Variants in EYA2 observed in about 807,000 individuals in gnomAD.
EYA2 encodes protein phosphatase EYA2.
EYA2 carries 31 observed loss-of-function variants against 69.2 expected under a neutral mutation model. The observed-to-expected ratio is 0.45, with a 90% CI of 0.34 to 0.60. The LOEUF is 0.60. Among genes scored for constraint, EYA2 ranks in the 20% least tolerant of loss-of-function variants. The pLI is 0.02. For synonymous variants in EYA2, 257 were observed against 279.4 expected (o/e 0.92, Z 0.80); for missense variants, 622 against 701.2 (o/e 0.89, Z 1.28).
chr20:47,097,837 C>T (rs1340031794), intron 9 of EYA2, among the ~76,000 whole-genome samples: 1 of 152,158 alleles, frequency 6.6e-6, no homozygotes, highest in African/African-American at 2.4e-5. Context: ...CGAGTGGATG[C>T]CCTAGACATC....
At chr20:47,099,611 A>C (rs6066195) in intron 9 of EYA2, among the ~76,000 whole-genome samples, 50,280 of 152,128 alleles carry the variant, frequency 0.33, 9,645 homozygotes, top group East Asian at 0.43. Flanking sequence ...AGGAATGGTG[A>C]CAGTTGAGGG....
At chr20:47,100,697 C>T (rs1046136476) in intron 9 of EYA2, among the ~76,000 whole-genome samples, 15 of 152,232 alleles carry the variant, frequency 9.9e-5, no homozygotes, top group African/African-American at 3.6e-4. Context: ...ACCCAGATCG[C>T]CTGTGCCATC....
intron 11 of EYA2, 120 bp downstream of exon 11, chr20:47,169,317 C>G: frequency 3.2e-6 from 3 of 930,306 alleles, no homozygotes; most frequent in Non-Finnish European, 5.2e-6. Context: ...GTGCCTGCCT[C>G]CAGCCAGAAC....
At chr20:47,156,552 A>G (rs1052358165) in intron 10 of EYA2, among the ~76,000 whole-genome samples, 14 of 151,720 alleles carry the variant, frequency 9.2e-5, no homozygotes, top group Admixed American at 8.5e-4. Context: ...TGCCTGACAC[A>G]TGAGCCTGGT....
At chr20:47,128,832 TAAAA>T (rs1189127001) in intron 9 of EYA2, among the ~76,000 whole-genome samples, 1 of 151,978 alleles carries the variant, frequency 6.6e-6, no homozygotes, top group Non-Finnish European at 1.5e-5. Context: ...TCATTTAAAA[TAAAA>T]AAATGGCCAG....
At chr20:47,171,990 G>T (rs375400521) in intron 11 of EYA2, among the ~76,000 whole-genome samples, 1 of 151,852 alleles carries the variant, frequency 6.6e-6, no homozygotes, top group African/African-American at 2.4e-5. Context: ...CTACTTGGGA[G>T]GGGGAGGCTG....
chr20:47,128,888 C>T (rs531238460), intron 9 of EYA2, among the ~76,000 whole-genome samples: 1 of 152,170 alleles, frequency 6.6e-6, no homozygotes, highest in South Asian at 2.1e-4. Flanking sequence ...TTTGGGAGGC[C>T]GAGGTGGGTG....
chr20:47,188,393 C>G lies in EYA2; in HGVS notation c.*260C>G. 1.7e-6 allele frequency: 1 copy of G among 576,894 alleles called. No individual in the cohort carries two copies. Among genetic ancestry groups the G allele is most frequent in the South Asian group, 2.3e-5 (1 of 42,840 alleles). 35.7% of individuals were successfully genotyped at this position (576,894 alleles called of 1,614,324 possible). A position where few individuals can be genotyped will look rare whatever the true frequency, so the allele number is the denominator to read the frequency against. On this transcript the variant is annotated 3_prime_UTR_variant, in exon 16 of 16. Coordinates refer to ENST00000327619, the MANE Select transcript of EYA2 (RefSeq NM_005244.5). ...TCGGAGTCTAGACTCTTCTGTAAGA[C>G]TCACAGAACAAAAGCAAGGAATTGC... is the stretch of plus-strand genomic sequence containing the variant.
chr20:47,116,306 T>C (rs1433307777), intron 9 of EYA2, among the ~76,000 whole-genome samples: 1 of 150,938 alleles, frequency 6.6e-6, no homozygotes, highest in Non-Finnish European at 1.5e-5. Context: ...GCCTCTCGAG[T>C]AGCTGGGATG....
At chr20:47,077,681 G>A (rs1459967926) in intron 7 of EYA2, among the ~76,000 whole-genome samples, 6 of 152,174 alleles carry the variant, frequency 3.9e-5, no homozygotes. Flanking sequence ...ATATGGCAAA[G>A]CATGTTAAAT....
intron 5 of EYA2, among the ~76,000 whole-genome samples, chr20:47,051,276 C>T (rs1008828120): frequency 2.6e-5 from 4 of 152,216 alleles, no homozygotes; most frequent in Admixed American, 1.3e-4. Context: ...GCCCCATAGG[C>T]GGCCATCTGC....
At chr20:46,970,860 A>C (rs1980094777) in intron 1 of EYA2, among the ~76,000 whole-genome samples, 1 of 152,142 alleles carries the variant, frequency 6.6e-6, no homozygotes, top group Non-Finnish European at 1.5e-5. Context: ...CTATGTTTTC[A>C]AAAAAAGGGT....
At chr20:47,140,078 CCTT>C (rs1316845111) in intron 9 of EYA2, among the ~76,000 whole-genome samples, 1 of 152,144 alleles carries the variant, frequency 6.6e-6, no homozygotes. Flanking sequence ...GGTGGCAGCT[CCTT>C]CTTGCTTCTT....
chr20:47,078,121 T>C (rs1048897983), intron 7 of EYA2, among the ~76,000 whole-genome samples: 2 of 152,214 alleles, frequency 1.3e-5, no homozygotes, highest in African/African-American at 4.8e-5. Flanking sequence ...TTCTGTCTTG[T>C]TTCCCTCTGT....
At position 47,127,212 on chromosome 20, in the gene EYA2, A is replaced by G. The variant is rs564651554; in HGVS notation, c.889-15847A>G. ...TGCCACTAACTGTTCTCAACTGAAC[A>G]GTTAGTTACGGATGAAATTGTTAGT... On this transcript the variant is annotated intron_variant, in intron 9 of 15. Coordinates refer to ENST00000327619, the MANE Select transcript of EYA2 (RefSeq NM_005244.5). Among the ~76,000 whole-genome samples, 85 of 152,342 alleles carry G rather than the reference A, an allele frequency of 5.6e-4. 1 individual carries two copies. Among genetic ancestry groups the G allele is most frequent in the South Asian group, 6.2e-4 (3 of 4,830 alleles).
intron 1 of EYA2, among the ~76,000 whole-genome samples, chr20:46,939,233 A>G (rs1217147062): frequency 6.6e-6 from 1 of 152,106 alleles, no homozygotes; most frequent in Non-Finnish European, 1.5e-5. Context: ...TAATTCCTGA[A>G]TTTTAGCTGG....
chr20:47,081,251 A>T (rs1408235187), intron 7 of EYA2, among the ~76,000 whole-genome samples: 1 of 152,112 alleles, frequency 6.6e-6, no homozygotes, highest in Non-Finnish European at 1.5e-5. Context: ...ATGAGATTTG[A>T]TGGGGACACA....
At chr20:47,028,088 AAG>A (rs369549691) in intron 5 of EYA2, among the ~76,000 whole-genome samples, 1 of 152,194 alleles carries the variant, frequency 6.6e-6, no homozygotes, top group African/African-American at 2.4e-5. Flanking sequence ...TATAAAAAGA[AAG>A]AGAGAGAGAG....
At chr20:46,986,618 G>A (rs1981234420) in intron 1 of EYA2, among the ~76,000 whole-genome samples, 1 of 151,988 alleles carries the variant, frequency 6.6e-6, no homozygotes, top group Non-Finnish European at 1.5e-5. Flanking sequence ...TTCTGCAGGT[G>A]GTACTAGCAT....
Sources: gnomAD v4.1 joint callset for allele counts (sites outside exome capture counted in the v4.1 genomes callset) on GRCh38, gnomAD v4.1.1 for gene constraint, MANE v1.5 for transcripts, NCBI Gene and HGNC (gene_info 2026-07-23, HGNC 2026-07-21) for gene names.